Variants in GPM6B observed in about 807,000 individuals in gnomAD.
GPM6B encodes the protein neuronal membrane glycoprotein M6-b.
GPM6B carries 4 observed loss-of-function variants against 27.2 expected under a neutral mutation model. That is an observed-to-expected ratio of 0.15 (90% CI 0.07 to 0.34). The LOEUF is 0.34. Ranked by LOEUF, GPM6B falls within the 10% of genes least tolerant of loss-of-function variation. GPM6B has a pLI of 1.00. For missense variants in GPM6B, 183 were observed against 261.9 expected, an observed-to-expected ratio of 0.70 and a Z score of 2.08; for synonymous variants, 124 against 103.1, an observed-to-expected ratio of 1.20 and a Z score of -1.23.
intron 1 of GPM6B, among the ~76,000 whole-genome samples, chrX:13,832,669 T>A (rs146071323): frequency 4.3e-3 from 482 of 112,046 alleles, no homozygotes; most frequent in South Asian, 0.012. Context: ...CAATCTTCTG[T>A]TCAATTGTCT....
chrX:13,787,041 CAAAAAAA>C lies in GPM6B; in HGVS notation c.182-1240_182-1234del, dbSNP rs869123073. Among the ~76,000 whole-genome samples the C allele has an allele frequency of 6.1e-4, 15 of 24,514 alleles. 1 individual carries two copies. The highest frequency in any genetic ancestry group is 3.1e-3 in the Admixed American group (4 of 1,297). The allele number at this position is 24,514 out of a possible 115,157, so 21.3% of individuals were successfully genotyped here. On this transcript the variant is annotated intron_variant, in intron 2 of 7. Coordinates refer to ENST00000316715, the MANE Select transcript of GPM6B (RefSeq NM_001001995.3). ...CTTTAGGGCAAGCACATTAAGCCAG[CAAAAAAA>C]AAAAAAAAAAAAAAAAAAAAATCCC...
intron 7 of GPM6B, 189 bp downstream of exon 7, chrX:13,776,049 C>G: frequency 2.3e-6 from 1 of 435,034 alleles, no homozygotes; most frequent in Non-Finnish European, 4.1e-6. Flanking sequence ...CACCTACAAT[C>G]AGTGCCAAGG....
intron 1 of GPM6B, chrX:13,812,937 A>C (rs1272938920): frequency 9.1e-6 from 1 of 110,098 alleles, no homozygotes; most frequent in Non-Finnish European, 1.9e-5. Flanking sequence ...AATCAAAGGA[A>C]GCTGTATCAT....
At chrX:13,803,289 T>C (rs980302033) in intron 2 of GPM6B, among the ~76,000 whole-genome samples, 2 of 110,450 alleles carry the variant, frequency 1.8e-5, no homozygotes, top group African/African-American at 6.6e-5. Flanking sequence ...GGGCCCTCCG[T>C]CAGTCTGCTA....
At chrX:13,821,575 G>T (rs1217846677), upstream of GPM6B, among the ~76,000 whole-genome samples, 1 of 112,146 alleles carries the variant, frequency 8.9e-6, no homozygotes, top group Non-Finnish European at 1.9e-5. Context: ...CTTATTAAAG[G>T]CCAGAAATCA....
chrX:13,899,405 C>CAA lies in GPM6B; in HGVS notation c.-198+38920_-198+38921dup, dbSNP rs58085220. 1.1e-3 allele frequency among the ~76,000 whole-genome samples: 40 copies of CAA among 36,316 alleles called. 2 individuals are homozygous for CAA. Among genetic ancestry groups the CAA allele is most frequent in the South Asian group, 2.3e-3 (1 of 443 alleles). 31.5% of individuals were successfully genotyped at this position (36,316 alleles called of 115,157 possible). A position where few individuals can be genotyped will look rare whatever the true frequency, so the allele number is the denominator to read the frequency against. ...TGGATGACAGAGCGAGACTCTGTCT[C>CAA]AAAAAAAAAAAAAAAAAAAAAAAAA... is the stretch of plus-strand genomic sequence containing the variant. On this transcript the variant is annotated intron_variant, in intron 1 of 6. Coordinates refer to the GPM6B transcript ENST00000398361.
chrX:13,918,754 C>T (rs1040319040), intron 1 of GPM6B, among the ~76,000 whole-genome samples: 2 of 111,314 alleles, frequency 1.8e-5, no homozygotes, highest in African/African-American at 6.5e-5. Flanking sequence ...AGGCACCTAA[C>T]ATGGCCAGAG....
intron 1 of GPM6B, among the ~76,000 whole-genome samples, chrX:13,919,651 A>G (rs1363706590): frequency 8.9e-6 from 1 of 112,599 alleles, no homozygotes; most frequent in Non-Finnish European, 1.9e-5. Context: ...AATCAATTTT[A>G]TACACCTATA....
intron 2 of GPM6B, among the ~76,000 whole-genome samples, chrX:13,805,623 G>A (rs893805932): frequency 2.7e-5 from 3 of 112,345 alleles, no homozygotes; most frequent in Admixed American, 9.4e-5. Context: ...GTGTTTCACC[G>A]TAGGATCAAA....
At chrX:13,893,326 A>C (rs1259078762) in intron 1 of GPM6B, among the ~76,000 whole-genome samples, 1 of 110,559 alleles carries the variant, frequency 9.0e-6, no homozygotes, top group Non-Finnish European at 1.9e-5. Context: ...TAATTATCTT[A>C]GTTTCTCAAA....
chrX:13,907,741 T>C (rs1368345771), intron 1 of GPM6B, among the ~76,000 whole-genome samples: 4 of 112,526 alleles, frequency 3.6e-5, no homozygotes, highest in Non-Finnish European at 5.6e-5. Flanking sequence ...TATTGAAGAT[T>C]GCACTTCGTT....
At chrX:13,877,824 C>CCAAAAAAAAAAAAAAAAAAA (rs1555925604) in intron 1 of GPM6B, among the ~76,000 whole-genome samples, 2 of 27,466 alleles carry the variant, frequency 7.3e-5, no homozygotes, top group African/African-American at 3.7e-4. Flanking sequence ...CAGACTCTGC[C>CCAAAAAAAAAAAAAAAAAAA]AAAAAAAAAA....
intron 1 of GPM6B, among the ~76,000 whole-genome samples, chrX:13,903,479 C>T (rs758830546): frequency 8.9e-6 from 1 of 112,040 alleles, no homozygotes; most frequent in South Asian, 3.7e-4. Context: ...TAGGCACTTG[C>T]CCAAAGCACA....
intron 7 of GPM6B, chrX:13,774,496 T>G (rs2048370573): frequency 8.3e-7 from 1 of 1,205,531 alleles, no homozygotes; most frequent in Non-Finnish European, 1.1e-6. Context: ...GGAGTGTCAG[T>G]GATATTTCAT....
At chrX:13,845,415 C>T (rs1478024236) in intron 1 of GPM6B, among the ~76,000 whole-genome samples, 1 of 112,064 alleles carries the variant, frequency 8.9e-6, no homozygotes, top group South Asian at 3.7e-4. Flanking sequence ...AATGAAATGG[C>T]CTTCCATATA....
At chrX:13,929,724 A>G (rs1921390512) in intron 1 of GPM6B, among the ~76,000 whole-genome samples, 1 of 111,671 alleles carries the variant, frequency 9.0e-6, no homozygotes, top group Non-Finnish European at 1.9e-5. Context: ...TGTAGTATGT[A>G]GAGAACACAG....
intron 1 of GPM6B, among the ~76,000 whole-genome samples, chrX:13,835,983 T>C (rs2049490148): frequency 1.8e-5 from 2 of 112,478 alleles, no homozygotes; most frequent in Non-Finnish European, 3.8e-5. Context: ...GAGTGACAGC[T>C]TAGCCGCATG....
chrX:13,911,752 G>A (rs35948816), intron 1 of GPM6B, among the ~76,000 whole-genome samples: 15,224 of 111,696 alleles, frequency 0.14, 800 homozygotes, highest in Admixed American at 0.19. Context: ...ATACAAGCTT[G>A]AGCTCTGTGA....
chrX:13,788,273 A>T (rs192296076), intron 2 of GPM6B, among the ~76,000 whole-genome samples: 2 of 111,915 alleles, frequency 1.8e-5, no homozygotes, highest in African/African-American at 6.5e-5. Context: ...CTGAAATAAG[A>T]TACCTTTCTG....
Sources: allele counts gnomAD v4.1 joint callset (sites outside exome capture counted in the v4.1 genomes callset), GRCh38; gene constraint gnomAD v4.1.1; transcripts MANE v1.5; gene names NCBI Gene and HGNC (gene_info 2026-07-23, HGNC 2026-07-21).